The following TCF20 variants were observed in gnomAD, a reference collection of about 807,000 sequenced individuals.
TCF20 encodes transcription factor 20.
A neutral mutation model predicts 148.6 loss-of-function variants in TCF20; 3 were observed. The ratio of observed to expected loss-of-function variants is 0.02; its 90% confidence interval spans 0.01 to 0.05. The LOEUF is 0.05. Among genes scored for constraint, TCF20 ranks in the 10% least tolerant of loss-of-function variants. The pLI is 1.00. For missense variants in TCF20, 2,350 were observed against 2,429.3 expected (o/e 0.97, Z 0.69); for synonymous variants, 1,049 against 909.5 (o/e 1.15, Z -2.76).
intron 1 of TCF20, among the ~76,000 whole-genome samples, chr22:42,296,623 G>A (rs1263452687): frequency 1.3e-5 from 2 of 152,212 alleles, no homozygotes; most frequent in African/African-American, 4.8e-5. Flanking sequence ...AGCTCACAGT[G>A]CCCGAGCTGT....
intron 1 of TCF20, among the ~76,000 whole-genome samples, chr22:42,312,689 C>A (rs969044630): frequency 2.6e-5 from 4 of 152,106 alleles, no homozygotes; most frequent in African/African-American, 9.7e-5. Context: ...TGTCAGGTCC[C>A]GGTCACCCCC....
intron 1 of TCF20, among the ~76,000 whole-genome samples, chr22:42,322,865 T>C (rs1927760595): frequency 6.6e-6 from 1 of 151,314 alleles, no homozygotes; most frequent in South Asian, 2.1e-4. Flanking sequence ...CAGATCTGGA[T>C]CACTCACCTG....
At chr22:42,176,378 AG>A (rs57379598) in intron 3 of TCF20, among the ~76,000 whole-genome samples, 90,728 of 151,848 alleles carry the variant, frequency 0.6, 27,252 homozygotes, top group East Asian at 0.66. Context: ...GCTGGAAGGA[AG>A]GGGGGGGCAG....
At chr22:42,275,323 AG>A (rs1302087972), upstream of TCF20, 4 of 152,386 alleles carry the variant, frequency 2.6e-5, no homozygotes, top group South Asian at 6.2e-4. Context: ...CTGCCCAACA[AG>A]CAGCAGCTGC....
chr22:42,165,196 G>C (rs1019227487), intron 5 of TCF20, among the ~76,000 whole-genome samples: 1 of 152,218 alleles, frequency 6.6e-6, no homozygotes, highest in Admixed American at 6.5e-5. Flanking sequence ...GGGGAAAGGG[G>C]AACTCTAGAA....
At chr22:42,312,143 A>G (rs1002895392) in intron 1 of TCF20, among the ~76,000 whole-genome samples, 5 of 152,218 alleles carry the variant, frequency 3.3e-5, no homozygotes, top group African/African-American at 7.2e-5. Context: ...CAGGTGCAGG[A>G]GCTACAGAAG....
intron 1 of TCF20, among the ~76,000 whole-genome samples, chr22:42,216,840 A>C (rs1026907384): frequency 6.6e-6 from 1 of 152,136 alleles, no homozygotes; most frequent in African/African-American, 2.4e-5. Context: ...CCTCTTAATC[A>C]ATCAAGCTGA....
rs1430314301 is a variant in TCF20 at position 42,297,887 on chromosome 22, G to A, written c.-37+45592C>T. Among the ~76,000 whole-genome samples, 1 of 152,154 alleles carries A rather than the reference G, an allele frequency of 6.6e-6. No homozygotes were observed. Among genetic ancestry groups the A allele is most frequent in the East Asian group, 1.9e-4 (1 of 5,190 alleles). Reference sequence around the variant, plus strand: ...AGGGTTCACAGCAGGGCTCCTCTCTGGCACCCATGCAGAGCAGGCAAGGAT... The same window carrying A: ...AGGGTTCACAGCAGGGCTCCTCTCTAGCACCCATGCAGAGCAGGCAAGGAT... On this transcript the variant is annotated intron_variant, in intron 1 of 1. Coordinates refer to the TCF20 transcript ENST00000515426. The surrounding 1 kb of genome is among the most constrained non-coding windows in gnomAD (Gnocchi z 4.3).
intron 1 of TCF20, among the ~76,000 whole-genome samples, chr22:42,323,826 G>A (rs545095510): frequency 4.6e-5 from 7 of 150,820 alleles, no homozygotes; most frequent in East Asian, 3.9e-4. Context: ...GAGCTGTTGC[G>A]GTGGTCGCGG....
chr22:42,331,950 T>C (rs1173195451), intron 1 of TCF20, among the ~76,000 whole-genome samples: 3 of 152,226 alleles, frequency 2.0e-5, no homozygotes, highest in Admixed American at 6.5e-5. Flanking sequence ...CATCCACTCA[T>C]CCGCTCAACA....
intron 1 of TCF20, among the ~76,000 whole-genome samples, chr22:42,309,241 C>A (rs943615166): frequency 1.3e-5 from 2 of 152,156 alleles, no homozygotes; most frequent in African/African-American, 4.8e-5. Flanking sequence ...ACAGCAAGTG[C>A]TCCCCAAGGT....
chr22:42,330,903 C>T (rs1350455666), intron 1 of TCF20, among the ~76,000 whole-genome samples: 1 of 152,232 alleles, frequency 6.6e-6, no homozygotes, highest in Non-Finnish European at 1.5e-5. Context: ...CCCTGCTTCG[C>T]TGGTCTAAGG....
In TCF20 at chr22:42,338,876, T is replaced by A. The variant is rs1327561867; in HGVS notation, c.-37+4603A>T. Among the ~76,000 whole-genome samples the A allele has an allele frequency of 6.6e-6, 1 of 152,140 alleles. No individual in the cohort carries two copies. The highest frequency in any genetic ancestry group is 1.5e-5 in the Non-Finnish European group (1 of 68,020). On this transcript the variant is annotated intron_variant, in intron 1 of 1. Transcript: ENST00000515426. The surrounding 1 kb of genome is among the most constrained non-coding windows in gnomAD (Gnocchi z 4.0). Reference sequence around the variant, plus strand: ...TAAATATAAAGGCTAAAATTCTGATTAAAGCCATAATCACGGAGATCTAAG... The same window carrying A: ...TAAATATAAAGGCTAAAATTCTGATAAAAGCCATAATCACGGAGATCTAAG...
intron 1 of TCF20, among the ~76,000 whole-genome samples, chr22:42,224,100 T>C (rs1369080443): frequency 1.3e-5 from 2 of 152,108 alleles, no homozygotes; most frequent in Non-Finnish European, 2.9e-5. Context: ...ATATTAGCCA[T>C]GTAAGCCATA....
intron 2 of TCF20, among the ~76,000 whole-genome samples, chr22:42,187,743 C>A (rs1937114619): frequency 1.3e-5 from 2 of 152,172 alleles, no homozygotes; most frequent in Non-Finnish European, 2.9e-5. Context: ...GACTTTTCTC[C>A]TTCATTAAGA....
upstream of TCF20, among the ~76,000 whole-genome samples, chr22:42,288,182 G>A (rs1218231282): frequency 6.6e-6 from 1 of 152,026 alleles, no homozygotes; most frequent in Non-Finnish European, 1.5e-5. Flanking sequence ...ATTACTTGAG[G>A]CCAGGAGTTC....
chr22:42,303,420 G>A (rs552846952), intron 1 of TCF20, among the ~76,000 whole-genome samples: 1 of 152,380 alleles, frequency 6.6e-6, no homozygotes, highest in African/African-American at 2.4e-5. Context: ...TGGACACTCC[G>A]AGCGTTCGCT....
intron 1 of TCF20, among the ~76,000 whole-genome samples, chr22:42,235,130 A>T (rs1923764927): frequency 7.0e-6 from 1 of 143,758 alleles, no homozygotes; most frequent in Non-Finnish European, 1.5e-5. Context: ...CAACAGAATG[A>T]GACTCTGTCT....
intron 2 of TCF20, among the ~76,000 whole-genome samples, chr22:42,192,210 C>G (rs1475493623): frequency 6.6e-6 from 1 of 152,076 alleles, no homozygotes; most frequent in Non-Finnish European, 1.5e-5. Context: ...CACAAGGCAC[C>G]CATACTGAAA....
Sources: gnomAD v4.1 joint callset for allele counts (sites outside exome capture counted in the v4.1 genomes callset) on GRCh38, gnomAD v4.1.1 for gene constraint, Gnocchi (gnomAD v3.1) non-coding constraint, MANE v1.5 for transcripts, NCBI Gene and HGNC (gene_info 2026-07-23, HGNC 2026-07-21) for gene names.